The following JAKMIP1 variants were observed in gnomAD, a reference collection of about 807,000 sequenced individuals.
JAKMIP1 encodes janus kinase and microtubule-interacting protein 1.
Under a neutral mutation model 113.0 loss-of-function variants are expected in JAKMIP1, and 33 were observed. That is an observed-to-expected ratio of 0.29 (90% CI 0.22 to 0.39). The LOEUF is 0.39. JAKMIP1 is among the 10% of genes least tolerant of loss of function. The pLI is 1.00. For missense variants in JAKMIP1, 813 were observed against 1,080.5 expected, an observed-to-expected ratio of 0.75 and a Z score of 3.47; for synonymous variants, 480 against 459.9, an observed-to-expected ratio of 1.04 and a Z score of -0.56.
intron 1 of JAKMIP1, among the ~76,000 whole-genome samples, chr4:6,146,124 G>A (rs1720816683): frequency 1.3e-5 from 2 of 151,394 alleles, no homozygotes; most frequent in Admixed American, 1.3e-4. Context: ...GGTATAAGAT[G>A]CATGAACCTT....
rs962557384 is a variant in JAKMIP1 at position 6,080,053 on chromosome 4, C to T, written c.1242+119G>A. The T allele has an allele frequency of 5.0e-6, 6 of 1,204,484 alleles. No individual in the cohort carries two copies. The highest frequency in any genetic ancestry group is 2.7e-5 in the Admixed American group (1 of 37,206). 74.6% of individuals were successfully genotyped at this position (1,204,484 alleles called of 1,614,324 possible). ...AGCTTGGTGAGTCCCAAAGTCAGCACTGCCTGACCCTGACCCAGCTCAGCA... is the reference window on the plus strand; with the variant it reads ...AGCTTGGTGAGTCCCAAAGTCAGCATTGCCTGACCCTGACCCAGCTCAGCA... On this transcript the variant is annotated intron_variant, in intron 7 of 20. Coordinates refer to ENST00000409021, the MANE Select transcript of JAKMIP1 (RefSeq NM_001099433.2). This position sits in a 1 kb window ranked among gnomAD's most constrained non-coding sequence, Gnocchi z 6.0.
chr4:6,049,645 C>T lies in JAKMIP1; in HGVS notation c.1962+174G>A, dbSNP rs1005431828. Among the ~76,000 whole-genome samples, 5 of 152,024 alleles carry T rather than the reference C, an allele frequency of 3.3e-5. No homozygotes were observed. Among genetic ancestry groups the T allele is most frequent in the South Asian group, 2.1e-4 (1 of 4,812 alleles). On this transcript the variant is annotated intron_variant, in intron 15 of 20. Transcript: ENST00000409021. The surrounding 1 kb of genome is among the most constrained non-coding windows in gnomAD (Gnocchi z 7.0). ...TCTAACTTCGGAACCCCACTTCTGA[C>T]GAATGCCAACCCCACCACCCACACA...
intron 10 of JAKMIP1, 107 bp downstream of exon 10, chr4:6,062,205 A>G: frequency 1.6e-6 from 2 of 1,242,020 alleles, no homozygotes; most frequent in Non-Finnish European, 2.3e-6. Context: ...ACCACCTCTC[A>G]GAATCCCCTC....
intron 1 of JAKMIP1, among the ~76,000 whole-genome samples, chr4:6,153,000 T>C (rs1721793317): frequency 6.6e-6 from 1 of 152,078 alleles, no homozygotes; most frequent in South Asian, 2.1e-4. Flanking sequence ...GGGCATCCCT[T>C]AGCCCCAATT....
At chr4:6,190,738 T>C (rs1468879297) in intron 1 of JAKMIP1, among the ~76,000 whole-genome samples, 1 of 152,212 alleles carries the variant, frequency 6.6e-6, no homozygotes. Flanking sequence ...CATCTCTCCA[T>C]GTGGAACAAG....
intron 8 of JAKMIP1, among the ~76,000 whole-genome samples, chr4:6,071,487 G>A (rs1023961079): frequency 2.6e-5 from 4 of 152,206 alleles, no homozygotes; most frequent in Admixed American, 1.3e-4. Context: ...GCTTCTCCCT[G>A]AGACCAGGAC....
At chr4:6,146,637 T>C (rs1720889301) in intron 1 of JAKMIP1, among the ~76,000 whole-genome samples, 1 of 152,114 alleles carries the variant, frequency 6.6e-6, no homozygotes, top group South Asian at 2.1e-4. Flanking sequence ...TGCATGACAA[T>C]GTGAATGTAC....
chr4:6,084,742 C>T lies in JAKMIP1; in HGVS notation c.954+104G>A, dbSNP rs1352264039. On this transcript the variant is annotated intron_variant, in intron 5 of 20. Coordinates refer to ENST00000409021, the MANE Select transcript of JAKMIP1 (RefSeq NM_001099433.2). Reference sequence around the variant, plus strand: ...GAAGTAAGAAGGAAAGTTCAGAGAACCAGAAGGCTTCTGCATTAACTTTCT... The same window carrying T: ...GAAGTAAGAAGGAAAGTTCAGAGAATCAGAAGGCTTCTGCATTAACTTTCT... 4.2e-6 allele frequency: 5 copies of T among 1,196,388 alleles called. 1 individual carries two copies. Among genetic ancestry groups the T allele is most frequent in the African/African-American group, 3.1e-5 (2 of 63,818 alleles). 74.1% of individuals were successfully genotyped at this position (1,196,388 alleles called of 1,614,324 possible).
rs1439242712 is a variant in JAKMIP1 at position 6,176,239 on chromosome 4, T to C, written c.-148+24014A>G. Among the ~76,000 whole-genome samples, 1 of 152,102 alleles carries C rather than the reference T, an allele frequency of 6.6e-6. No homozygotes were observed. The highest frequency in any genetic ancestry group is 1.5e-5 in the Non-Finnish European group (1 of 68,014). On this transcript the variant is annotated intron_variant, in intron 1 of 20. Coordinates refer to ENST00000409021, the MANE Select transcript of JAKMIP1 (RefSeq NM_001099433.2). The surrounding 1 kb of genome is among the most constrained non-coding windows in gnomAD (Gnocchi z 5.5). ...AAGGACAGATCACCCCCTCATACGT[T>C]TCAGACCAGCTGCTCCAGAGTCAAC...
At position 6,105,812 on chromosome 4, in the gene JAKMIP1, G is replaced by C. The variant is rs754648450; in HGVS notation, c.285C>G (p.His95Gln). 1.9e-6 allele frequency: 3 copies of C among 1,610,114 alleles called. No individual in the cohort carries two copies. Among genetic ancestry groups the C allele is most frequent in the Non-Finnish European group, 1.7e-6 (2 of 1,179,724 alleles). ...QALREGLIRQ[H>Q]EQEAARTAKI... is the part of the protein sequence containing the mutation. ...TGGCGGTGCGCGCCGCCTCCTGCTC[G>C]TGCTGCCGGATGAGCCCCTCGCGCA... The change falls in exon 3 of 21, where the codon CAC becomes CAG. Residue 95 changes from histidine (H) to glutamine (Q), a missense_variant. By Grantham distance (24) the His-to-Gln change is conservative. This residue lies in a region of JAKMIP1 where 540 missense variants were observed against 653.9 expected (regional missense o/e 0.83). Coordinates refer to ENST00000409021, the MANE Select transcript of JAKMIP1 (RefSeq NM_001099433.2).
rs752428960 is a variant in JAKMIP1, at chr4:6,093,263, G to C, written c.625-7634C>G. 5.9e-5 allele frequency among the ~76,000 whole-genome samples: 9 copies of C among 152,168 alleles called. No homozygotes were observed. The highest frequency in any genetic ancestry group is 1.2e-4 in the Non-Finnish European group (8 of 68,038). ...CATGGTCCTATTACCAAACCGTCCT[G>C]CTCACACTAGAATAATCTGCTCACA... On this transcript the variant is annotated intron_variant, in intron 3 of 20. Coordinates refer to ENST00000409021, the MANE Select transcript of JAKMIP1 (RefSeq NM_001099433.2). The surrounding 1 kb of genome is among the most constrained non-coding windows in gnomAD (Gnocchi z 4.6).
chr4:6,150,916 C>T lies in JAKMIP1; in HGVS notation c.-147-37919G>A, dbSNP rs564676028. Among the ~76,000 whole-genome samples, 2 of 152,168 alleles carry T rather than the reference C, an allele frequency of 1.3e-5. No homozygotes were observed. Among genetic ancestry groups the T allele is most frequent in the African/African-American group, 2.4e-5 (1 of 41,442 alleles). The stretch of plus-strand genomic sequence containing the variant: ...GTCAGCGTTGAGTGTGCCCAGGTGA[C>T]ACACATTTACAACCCCACCAGTGGG... On this transcript the variant is annotated intron_variant, in intron 1 of 20. Transcript: ENST00000409021. This position sits in a 1 kb window ranked among gnomAD's most constrained non-coding sequence, Gnocchi z 4.8.
At chr4:6,062,225 A>C (rs1432023209) in intron 10 of JAKMIP1, 87 bp downstream of exon 10, 1 of 1,458,836 alleles carries the variant, frequency 6.9e-7, no homozygotes, top group East Asian at 2.3e-5. Flanking sequence ...CTGAGTGTCC[A>C]AGCCAGGGTA....
At chr4:6,182,445 A>C (rs1413313198) in intron 1 of JAKMIP1, among the ~76,000 whole-genome samples, 1 of 144,750 alleles carries the variant, frequency 6.9e-6, no homozygotes, top group Admixed American at 7.0e-5. Context: ...GAAAGAAAGA[A>C]AAGAAAAGAA....
chr4:6,100,482 C>T (rs944399397), intron 3 of JAKMIP1, among the ~76,000 whole-genome samples: 9 of 152,196 alleles, frequency 5.9e-5, no homozygotes, highest in African/African-American at 2.2e-4. Flanking sequence ...TATCCATTCA[C>T]CAACTGAGGA....
At chr4:6,174,788 C>T (rs1297621217) in intron 1 of JAKMIP1, among the ~76,000 whole-genome samples, 1 of 151,894 alleles carries the variant, frequency 6.6e-6, no homozygotes, top group Non-Finnish European at 1.5e-5. Context: ...CCACGACACC[C>T]AGCTCCCAGG....
chr4:6,081,210 G>A lies in JAKMIP1; in HGVS notation c.1101+399C>T, dbSNP rs368340705. Among the ~76,000 whole-genome samples the A allele has an allele frequency of 1.3e-5, 2 of 152,182 alleles. No homozygotes were observed. Among genetic ancestry groups the A allele is most frequent in the African/African-American group, 2.4e-5 (1 of 41,442 alleles). On this transcript the variant is annotated intron_variant, in intron 6 of 20. Coordinates refer to ENST00000409021, the MANE Select transcript of JAKMIP1 (RefSeq NM_001099433.2). The surrounding 1 kb of genome is among the most constrained non-coding windows in gnomAD (Gnocchi z 4.6). ...AGGAGAAACCCCTCTGCAGAGCATCGCCAGCGATCATTGTAACAGCTTTCA... is the reference window on the plus strand; with the variant it reads ...AGGAGAAACCCCTCTGCAGAGCATCACCAGCGATCATTGTAACAGCTTTCA...
At chr4:6,098,733 AGAGAAGGAAG>A (rs1712472646) in intron 3 of JAKMIP1, among the ~76,000 whole-genome samples, 1 of 7,562 alleles carries the variant, frequency 1.3e-4, no homozygotes, top group Admixed American at 1.8e-3. Context: ...AAAGAAAGAA[AGAGAAGGAAG>A]GAAGGAAGGA....
chr4:6,051,369 C>G lies in JAKMIP1; in HGVS notation c.1807-690G>C, dbSNP rs559605885. Among the ~76,000 whole-genome samples, 1 of 152,042 alleles carries G rather than the reference C, an allele frequency of 6.6e-6. No homozygotes were observed. The highest frequency in any genetic ancestry group is 1.5e-5 in the Non-Finnish European group (1 of 68,020). On this transcript the variant is annotated intron_variant, in intron 13 of 20. Coordinates refer to ENST00000409021, the MANE Select transcript of JAKMIP1 (RefSeq NM_001099433.2). This position sits in a 1 kb window ranked among gnomAD's most constrained non-coding sequence, Gnocchi z 5.0. ...TCCCAAGTAGCTGGGATTACAGGCA[C>G]GCGCCACCACACCGGGCTAATTTTG...
Sources: allele counts gnomAD v4.1 joint callset (sites outside exome capture counted in the v4.1 genomes callset), GRCh38; gene constraint gnomAD v4.1.1; regional missense constraint gnomAD v4.1.1; non-coding constraint Gnocchi (gnomAD v3.1); transcripts MANE v1.5; gene names NCBI Gene and HGNC (gene_info 2026-07-23, HGNC 2026-07-21).